ADGRL2: variants seen among roughly 807,000 people sequenced by gnomAD.
ADGRL2 encodes adhesion G protein-coupled receptor L2, also known as calcium-independent alpha-latrotoxin receptor 2.
Under a neutral mutation model 157.4 loss-of-function variants are expected in ADGRL2, and 44 were observed. The observed-to-expected ratio is 0.28, with a 90% CI of 0.22 to 0.36. The LOEUF is 0.36. ADGRL2 is among the 10% of genes least tolerant of loss of function. The pLI is 1.00. For synonymous variants in ADGRL2, 585 were observed against 624.7 expected (o/e 0.94, Z 0.95); for missense variants, 1,510 against 1,768.9 (o/e 0.85, Z 2.63).
intron 2 of ADGRL2, among the ~76,000 whole-genome samples, chr1:81,790,139 G>C (rs2087261709): frequency 6.6e-6 from 1 of 152,060 alleles, no homozygotes; most frequent in Admixed American, 6.6e-5. Flanking sequence ...AGGTATAAGG[G>C]AGAAGAGTGT....
chr1:81,527,521 G>A (rs2079489549), intron 2 of ADGRL2, among the ~76,000 whole-genome samples: 1 of 152,170 alleles, frequency 6.6e-6, no homozygotes. Context: ...AGACCAGCCT[G>A]GCCAACATGG....
chr1:81,632,176 G>C (rs2082022344), intron 3 of ADGRL2, among the ~76,000 whole-genome samples: 1 of 152,162 alleles, frequency 6.6e-6, no homozygotes, highest in African/African-American at 2.4e-5. Flanking sequence ...CTAGCCTATT[G>C]ATACCTATAT....
chr1:81,993,087 A>ATTTTTTTTTT lies in ADGRL2; in HGVS notation c.*1965_*1974dup, dbSNP rs71085382. Among the ~76,000 whole-genome samples the ATTTTTTTTTT allele has an allele frequency of 1.7e-4, 5 of 29,200 alleles. No individual in the cohort carries two copies. Among genetic ancestry groups the ATTTTTTTTTT allele is most frequent in the African/African-American group, 1.7e-4 (1 of 5,762 alleles). 19.2% of individuals were successfully genotyped at this position (29,200 alleles called of 152,430 possible). A position where few individuals can be genotyped will look rare whatever the true frequency, so the allele number is the denominator to read the frequency against. On this transcript the variant is annotated 3_prime_UTR_variant, in exon 24 of 24. Coordinates refer to ENST00000686636, the MANE Select transcript of ADGRL2 (RefSeq NM_001366006.2). ...TATATATATATATATATATATATATATTTTTTTTTTTTTTTTTTTTTTTTT... is the reference window on the plus strand; with the variant it reads ...TATATATATATATATATATATATATATTTTTTTTTTTTTTTTTTTTTTTTTTTTTTTTTTT...
At chr1:81,430,184 C>T (rs1278766238) in intron 1 of ADGRL2, among the ~76,000 whole-genome samples, 1 of 152,180 alleles carries the variant, frequency 6.6e-6, no homozygotes, top group Non-Finnish European at 1.5e-5. Flanking sequence ...TGAGCCACTG[C>T]ACCCAGCCAT....
At chr1:81,401,881 T>C (rs1373329416) in intron 1 of ADGRL2, among the ~76,000 whole-genome samples, 1 of 152,218 alleles carries the variant, frequency 6.6e-6, no homozygotes, top group Non-Finnish European at 1.5e-5. Context: ...TCTGTTTATA[T>C]ACCTAGAAAC....
intron 1 of ADGRL2, among the ~76,000 whole-genome samples, chr1:81,808,889 C>G (rs533676499): frequency 2.0e-5 from 3 of 151,962 alleles, no homozygotes; most frequent in African/African-American, 7.2e-5. Flanking sequence ...TCAAAGCCAC[C>G]GGCTGTTTTT....
At chr1:81,355,814 C>A (rs1195400538) in intron 1 of ADGRL2, among the ~76,000 whole-genome samples, 1 of 152,154 alleles carries the variant, frequency 6.6e-6, no homozygotes, top group Non-Finnish European at 1.5e-5. Context: ...GACCTACTCG[C>A]TCCCAGCCAG....
intron 2 of ADGRL2, among the ~76,000 whole-genome samples, chr1:81,794,570 C>T (rs1168109047): frequency 6.6e-6 from 1 of 152,132 alleles, no homozygotes; most frequent in Non-Finnish European, 1.5e-5. Flanking sequence ...TATTACTTAA[C>T]AAAACCTTAT....
At chr1:81,636,376 T>C (rs1027363368) in intron 3 of ADGRL2, among the ~76,000 whole-genome samples, 1 of 152,166 alleles carries the variant, frequency 6.6e-6, no homozygotes, top group Non-Finnish European at 1.5e-5. Context: ...TAAACAAACA[T>C]ATCTTATGGA....
At chr1:81,399,262 G>T (rs12136483) in intron 1 of ADGRL2, among the ~76,000 whole-genome samples, 4,133 of 152,284 alleles carry the variant, frequency 0.027, 84 homozygotes, top group Middle Eastern at 0.086. Context: ...ACCAGGCTCT[G>T]CCTCCAATTC....
At chr1:81,938,757 T>C (rs2095346139) in intron 4 of ADGRL2, among the ~76,000 whole-genome samples, 1 of 151,370 alleles carries the variant, frequency 6.6e-6, no homozygotes, top group African/African-American at 2.4e-5. Context: ...TCAACTAATA[T>C]TAAAATACAA....
At chr1:81,507,692 TGC>T (rs2079003297) in intron 2 of ADGRL2, among the ~76,000 whole-genome samples, 1 of 152,242 alleles carries the variant, frequency 6.6e-6, no homozygotes, top group Non-Finnish European at 1.5e-5. Context: ...GCATGTTTGC[TGC>T]CTGATTCAAT....
intron 2 of ADGRL2, chr1:81,513,903 T>G (rs548957424): frequency 1.1e-4 from 16 of 152,284 alleles, no homozygotes; most frequent in African/African-American, 3.8e-4. Flanking sequence ...TAAAGTTTAT[T>G]TTAGCTTATT....
chr1:81,660,781 A>C (rs2082633931), intron 3 of ADGRL2, among the ~76,000 whole-genome samples: 1 of 152,208 alleles, frequency 6.6e-6, no homozygotes, highest in Non-Finnish European at 1.5e-5. Flanking sequence ...TTTGTGATCA[A>C]CATTAATGAA....
chr1:81,688,201 T>C (rs145212738), intron 3 of ADGRL2, among the ~76,000 whole-genome samples: 1 of 152,312 alleles, frequency 6.6e-6, no homozygotes, highest in Non-Finnish European at 1.5e-5. Context: ...GCTTCTTATA[T>C]TTGGATGACT....
intron 1 of ADGRL2, among the ~76,000 whole-genome samples, chr1:81,383,039 G>C (rs2076370286): frequency 6.6e-6 from 1 of 152,132 alleles, no homozygotes; most frequent in Non-Finnish European, 1.5e-5. Context: ...CTGCCTTAGT[G>C]TTTGGGGATA....
chr1:81,906,283 C>T (rs1221238765), intron 2 of ADGRL2, among the ~76,000 whole-genome samples: 2 of 152,082 alleles, frequency 1.3e-5, no homozygotes, highest in African/African-American at 4.8e-5. Flanking sequence ...GAGAGTTCAG[C>T]CAGGTTTGAA....
intron 3 of ADGRL2, among the ~76,000 whole-genome samples, chr1:81,619,527 C>A (rs981462805): frequency 6.4e-5 from 8 of 124,474 alleles, no homozygotes; most frequent in Non-Finnish European, 1.1e-4. Flanking sequence ...GCTCCCTAAC[C>A]CCACTGGAAA....
chr1:81,309,877 T>C (rs1486501583), intron 1 of ADGRL2, among the ~76,000 whole-genome samples: 1 of 152,282 alleles, frequency 6.6e-6, no homozygotes, highest in African/African-American at 2.4e-5. Context: ...AAGTGCTCAG[T>C]AATGATGGAA....
Sources: allele counts gnomAD v4.1 joint callset (sites outside exome capture counted in the v4.1 genomes callset), GRCh38; gene constraint gnomAD v4.1.1; transcripts MANE v1.5; gene names NCBI Gene and HGNC (gene_info 2026-07-23, HGNC 2026-07-21).